HSF5: variants seen among roughly 807,000 people sequenced by gnomAD.
HSF5 encodes heat shock factor protein 5.
In HSF5, 5 loss-of-function variants were observed where a neutral mutation model predicts 50.8. The ratio of observed to expected loss-of-function variants is 0.10; its 90% CI spans 0.05 to 0.21. The LOEUF is 0.21. Among genes scored for constraint, HSF5 ranks in the 10% least tolerant of loss-of-function variants. The pLI is 1.00. For synonymous variants in HSF5, 307 were observed against 307.4 expected (o/e 1.00, Z 0.02); for missense variants, 564 against 762.6 (o/e 0.74, Z 3.07).
chr17:58,420,282 T>C lies in HSF5; in HGVS notation c.*2078A>G, dbSNP rs1974211662. The C allele has an allele frequency of 6.6e-6, 1 of 152,208 alleles. No homozygotes were observed. Among genetic ancestry groups the C allele is most frequent in the Non-Finnish European group, 1.5e-5 (1 of 68,020 alleles). The allele number at this position is 152,208 out of a possible 1,614,324, so 9.4% of individuals were successfully genotyped here. A position where few individuals can be genotyped will look rare whatever the true frequency, so the allele number is the denominator to read the frequency against. On this transcript the variant is annotated 3_prime_UTR_variant, in exon 6 of 6. Transcript: ENST00000323777. ...TTAGTTGACTAGTTGTGTCAGACCC[T>C]ACTGGCTAATTCACAGGAAGACTTT...
At chr17:58,471,282 C>A (rs1356610684) in intron 2 of HSF5, among the ~76,000 whole-genome samples, 3 of 152,096 alleles carry the variant, frequency 2.0e-5, no homozygotes, top group African/African-American at 7.2e-5. Flanking sequence ...TTTCTCCTGG[C>A]AGAGGAGAGA....
intron 5 of HSF5, among the ~76,000 whole-genome samples, chr17:58,445,175 A>G (rs1170648598): frequency 6.6e-6 from 1 of 152,226 alleles, no homozygotes; most frequent in South Asian, 2.1e-4. Flanking sequence ...ATAAAATAGT[A>G]TAGCAGCTAT....
At chr17:58,436,538 GAAAA>G (rs1005915577) in intron 5 of HSF5, among the ~76,000 whole-genome samples, 1 of 141,362 alleles carries the variant, frequency 7.1e-6, no homozygotes, top group East Asian at 2.0e-4. Context: ...GCTTTACTTA[GAAAA>G]AAAAAACAAC....
At chr17:58,448,111 G>C (rs1375267996) in intron 5 of HSF5, among the ~76,000 whole-genome samples, 1 of 140,880 alleles carries the variant, frequency 7.1e-6, no homozygotes, top group African/African-American at 2.6e-5. Context: ...TCCAGCCTGG[G>C]TAACAGAGTG....
At chr17:58,473,120 C>T (rs777309197) in intron 2 of HSF5, among the ~76,000 whole-genome samples, 2 of 152,070 alleles carry the variant, frequency 1.3e-5, no homozygotes, top group Non-Finnish European at 2.9e-5. Flanking sequence ...TGTTTCCAAG[C>T]CCACAGCTTC....
chr17:58,431,967 A>G (rs971038912), intron 5 of HSF5, among the ~76,000 whole-genome samples: 3 of 152,248 alleles, frequency 2.0e-5, no homozygotes, highest in African/African-American at 4.8e-5. Flanking sequence ...TAATGGGTAT[A>G]GAGTTTCAGT....
chr17:58,465,318 C>T (rs568583714), intron 3 of HSF5, among the ~76,000 whole-genome samples: 22 of 151,778 alleles, frequency 1.4e-4, no homozygotes, highest in South Asian at 8.3e-4. Context: ...CCATTGTACA[C>T]GGCCATATAT....
At chr17:58,478,945 A>G (rs958345046) in intron 2 of HSF5, among the ~76,000 whole-genome samples, 1 of 151,578 alleles carries the variant, frequency 6.6e-6, no homozygotes, top group Non-Finnish European at 1.5e-5. Context: ...AAAACAGATG[A>G]TAACTATCAT....
At chr17:58,446,513 A>G (rs773541646) in intron 5 of HSF5, among the ~76,000 whole-genome samples, 5 of 152,186 alleles carry the variant, frequency 3.3e-5, no homozygotes, top group Non-Finnish European at 7.4e-5. Flanking sequence ...GTGGCCCTTG[A>G]TTCCATGCCA....
chr17:58,453,279 T>G (rs1974665580), intron 5 of HSF5, among the ~76,000 whole-genome samples: 1 of 151,996 alleles, frequency 6.6e-6, no homozygotes, highest in Non-Finnish European at 1.5e-5. Context: ...AGAACACACA[T>G]GCAAAAATCC....
intron 5 of HSF5, 82 bp from the exon 6 acceptor site, chr17:58,422,512 G>T: frequency 9.6e-7 from 1 of 1,043,774 alleles, no homozygotes; most frequent in Non-Finnish European, 1.4e-6. Context: ...AGAACAAGTT[G>T]TCTATGTCTC....
At position 58,461,869 on chromosome 17, in the gene HSF5, CA is replaced by C. The variant is rs911303714; in HGVS notation, c.1542+912del. Among the ~76,000 whole-genome samples the C allele has an allele frequency of 1.2e-3, 180 of 146,434 alleles. 1 individual carries two copies. Among genetic ancestry groups the C allele is most frequent in the African/African-American group, 4.0e-3 (160 of 39,926 alleles). On this transcript the variant is annotated intron_variant, in intron 4 of 5. Transcript: ENST00000323777. ...TAGGTGACAGAGAGAGACTCCACCT[CA>C]AAAAAAAAAATTTCTTTTTAATTTG...
Position 58,460,510 on chromosome 17 carries a change from C to CACATAT in HSF5, c.1543-1566_1543-1565insATATGT, listed in dbSNP as rs61690847. On this transcript the variant is annotated intron_variant, in intron 4 of 5. Transcript: ENST00000323777. Reference sequence around the variant, plus strand: ...ACACACACACACACACACACACACACATACTTTTTTTTTTTTTGAGACGGA... The same window carrying CACATAT: ...ACACACACACACACACACACACACACACATATATACTTTTTTTTTTTTTGAGACGGA... 2.0e-4 allele frequency among the ~76,000 whole-genome samples: 28 copies of CACATAT among 137,318 alleles called. No homozygotes were observed. The Admixed American group carries it at 2.1e-3, about 10-fold the overall frequency. The allele number at this position is 137,318 out of a possible 152,430, so 90.1% of individuals were successfully genotyped here. A position where few individuals can be genotyped will look rare whatever the true frequency, so the allele number is the denominator to read the frequency against.
intron 5 of HSF5, among the ~76,000 whole-genome samples, chr17:58,432,553 T>C (rs997474212): frequency 6.6e-6 from 1 of 152,014 alleles, no homozygotes. Flanking sequence ...TAAACAATAG[T>C]GAAGAAACTG....
At chr17:58,424,035 T>G (rs967089217) in intron 5 of HSF5, among the ~76,000 whole-genome samples, 3 of 152,200 alleles carry the variant, frequency 2.0e-5, no homozygotes, top group African/African-American at 7.2e-5. Flanking sequence ...TCATATTTTG[T>G]AAAAGACAGA....
intron 5 of HSF5, among the ~76,000 whole-genome samples, chr17:58,436,404 A>G (rs568710352): frequency 6.6e-6 from 1 of 151,780 alleles, no homozygotes; most frequent in Non-Finnish European, 1.5e-5. Context: ...CCTCTTGTCC[A>G]TAATAAAATG....
Position 58,442,843 on chromosome 17 carries a change from T to C in HSF5, c.1720+15925A>G, listed in dbSNP as rs543174968. Among the ~76,000 whole-genome samples the C allele has an allele frequency of 1.3e-4, 20 of 152,012 alleles. No homozygotes were observed. In the South Asian group the frequency reaches 2.9e-3, roughly 22 times the overall value. The stretch of plus-strand genomic sequence containing the variant: ...ACCTCCACCTCCCAGATTCAAGTGA[T>C]TCTCCTGCCTCAACCTCCTGAGGAG... On this transcript the variant is annotated intron_variant, in intron 5 of 5. Coordinates refer to ENST00000323777, the MANE Select transcript of HSF5 (RefSeq NM_001080439.3).
chr17:58,486,352 C>A (rs528908526), intron 1 of HSF5, among the ~76,000 whole-genome samples: 3 of 151,938 alleles, frequency 2.0e-5, no homozygotes, highest in Non-Finnish European at 4.4e-5. Flanking sequence ...GTGACAAGAG[C>A]GAAACTCCGT....
chr17:58,479,563 A>G (rs1975070893), intron 2 of HSF5, among the ~76,000 whole-genome samples: 1 of 152,136 alleles, frequency 6.6e-6, no homozygotes, highest in Non-Finnish European at 1.5e-5. Context: ...TCAGCCTCCC[A>G]AAGTGCTGGG....
Sources: gnomAD v4.1 joint callset for allele counts (sites outside exome capture counted in the v4.1 genomes callset) on GRCh38, gnomAD v4.1.1 for gene constraint, MANE v1.5 for transcripts, NCBI Gene and HGNC (gene_info 2026-07-23, HGNC 2026-07-21) for gene names.